The following SLX4 variants were observed in gnomAD, a reference collection of about 807,000 sequenced individuals.
The protein encoded by SLX4 is structure-specific endonuclease subunit SLX4.
In SLX4, 112 loss-of-function variants were observed where a neutral mutation model predicts 146.2. That is an observed-to-expected ratio of 0.77 (90% CI 0.66 to 0.90). SLX4 has a LOEUF of 0.90. SLX4 is among the 40% of genes least tolerant of loss of function. The pLI is 0.00. For missense variants in SLX4, 2,563 were observed against 2,392.7 expected (o/e 1.07, Z -1.49); for synonymous variants, 1,061 against 997.7 (o/e 1.06, Z -1.20).
At position 3,589,223 on chromosome 16, in the gene SLX4, A is replaced by G. The variant is rs938457122; in HGVS notation, c.4415T>C (p.Leu1472Pro). 16 of 1,610,628 alleles carry G rather than the reference A, an allele frequency of 9.9e-6. No individual in the cohort carries two copies. In the East Asian group the frequency reaches 2.7e-4, roughly 27 times the overall value. ...ADSRDCRSPG[L>P]LDTTPIRGSC... ...TCCTCGGATGGGGGTGGTGTCCAGG[A>G]GTCCCGGGGAGCGACAGTCACGGCT... The change falls in exon 12 of 15, where the codon CTC becomes CCC. Residue 1472 changes from leucine to proline, a missense_variant. Leu to Pro is a moderately conservative substitution (Grantham distance 98, BLOSUM62 -3). Transcript: ENST00000294008. The surrounding 1 kb of genome is among the most constrained non-coding windows in gnomAD (Gnocchi z 6.2).
Position 3,582,135 on chromosome 16 carries a change from C to T in SLX4, c.*207G>A. On this transcript the variant is annotated 3_prime_UTR_variant, in exon 15 of 15. Transcript: ENST00000294008. Reference sequence around the variant, plus strand: ...GTCTGTAAATCCAGTGGGTGACATGCTCCAAATGCCACCCTAGAAAGCAGA... The same window carrying T: ...GTCTGTAAATCCAGTGGGTGACATGTTCCAAATGCCACCCTAGAAAGCAGA... 2 of 599,390 alleles carry T rather than the reference C, an allele frequency of 3.3e-6. No individual in the cohort carries two copies. The highest frequency in any genetic ancestry group is 2.8e-5 in the East Asian group (1 of 36,226). 37.1% of individuals were successfully genotyped at this position (599,390 alleles called of 1,614,324 possible).
rs765965450 is a variant in SLX4, at chr16:3,594,507, C to T, written c.2106G>A (p.Val702=). The change falls in exon 10 of 15, where the codon GTG becomes GTA. Residue 702 remains valine (V), a synonymous_variant. Coordinates refer to ENST00000294008, the MANE Select transcript of SLX4 (RefSeq NM_032444.4). The part of the protein sequence containing the change: ...DVQFQTDSGE[V]LYAHKFVLYA... ...AAAGCACGAACTTGTGGGCGTAAAGCACCTCCCCGCTGTCCGTCTGAAACT... is the reference window on the plus strand; with the variant it reads ...AAAGCACGAACTTGTGGGCGTAAAGTACCTCCCCGCTGTCCGTCTGAAACT... 1.9e-6 allele frequency: 3 copies of T among 1,613,972 alleles called. No individual in the cohort carries two copies. The highest frequency in any genetic ancestry group is 1.3e-5 in the African/African-American group (1 of 74,918).
chr16:3,610,072 G>A (rs548325662), intron 1 of SLX4, among the ~76,000 whole-genome samples: 15 of 152,258 alleles, frequency 9.9e-5, no homozygotes, highest in East Asian at 3.9e-4. Context: ...CTGGAATGTC[G>A]CCTGTGTGCA....
intron 2 of SLX4, among the ~76,000 whole-genome samples, chr16:3,607,272 G>A (rs2040797137): frequency 6.6e-6 from 1 of 152,156 alleles, no homozygotes; most frequent in African/African-American, 2.4e-5. Context: ...CGAGAGACCA[G>A]TAAAGTTGGT....
chr16:3,582,341 A>G lies in SLX4; in HGVS notation c.*1T>C, dbSNP rs559903847. On this transcript the variant is annotated 3_prime_UTR_variant, in exon 15 of 15. Coordinates refer to ENST00000294008, the MANE Select transcript of SLX4 (RefSeq NM_032444.4). ...GTTGGGGTGGGGTCGGGATGGCCCCATCAGTTCCGCTCCACCTTCTTCTTG... is the reference window on the plus strand; with the variant it reads ...GTTGGGGTGGGGTCGGGATGGCCCCGTCAGTTCCGCTCCACCTTCTTCTTG... 3.4e-4 allele frequency: 542 copies of G among 1,610,398 alleles called. 2 individuals carry two copies. In the South Asian group the frequency reaches 4.6e-3, roughly 14 times the overall value.
At chr16:3,595,941 C>A (rs1179790011) in intron 8 of SLX4, among the ~76,000 whole-genome samples, 5 of 152,236 alleles carry the variant, frequency 3.3e-5, no homozygotes, top group African/African-American at 1.2e-4. Flanking sequence ...ACAGCTCTGT[C>A]TTTGGTTAAA....
chr16:3,583,416 C>T lies in SLX4; in HGVS notation c.4834G>A (p.Asp1612Asn). 6.2e-7 allele frequency: 1 copy of T among 1,613,876 alleles called. No individual in the cohort carries two copies. Among genetic ancestry groups the T allele is most frequent in the South Asian group, 1.1e-5 (1 of 91,084 alleles). The change falls in exon 14 of 15, where the codon GAC becomes AAC. Residue 1612 changes from aspartate to asparagine, a missense_variant. Coordinates refer to ENST00000294008, the MANE Select transcript of SLX4 (RefSeq NM_032444.4). Reference sequence around the variant, plus strand: ...AGCGGCTGTGAGGACTGGCTCTCGTCCTCGGAGTCTGAGTCCAGGGTCTGG... The same window carrying T: ...AGCGGCTGTGAGGACTGGCTCTCGTTCTCGGAGTCTGAGTCCAGGGTCTGG... Reference protein sequence around the residue: ...THQTLDSDSEDESQSSQPLLQ... With the variant: ...THQTLDSDSENESQSSQPLLQ...
rs377243383 is a variant in SLX4, at chr16:3,589,745, T to C, written c.3893A>G (p.Asn1298Ser). 6.2e-7 allele frequency: 1 copy of C among 1,613,848 alleles called. No homozygotes were observed. The highest frequency in any genetic ancestry group is 1.1e-5 in the South Asian group (1 of 91,074). Residue 1298 changes from asparagine (N) to serine (S), a missense_variant, in exon 12 of 15, where the codon AAC becomes AGC. Coordinates refer to ENST00000294008, the MANE Select transcript of SLX4 (RefSeq NM_032444.4). This position sits in a 1 kb window ranked among gnomAD's most constrained non-coding sequence, Gnocchi z 6.2. Reference protein sequence around the residue: ...TQHTPRASVGNREGNEVAQKF... With the variant: ...TQHTPRASVGSREGNEVAQKF... ...CTGTGCGACTTCGTTCCCTTCCCTGTTTCCTACTGAGGCCCTGGGCGTGTG... is the reference window on the plus strand; with the variant it reads ...CTGTGCGACTTCGTTCCCTTCCCTGCTTCCTACTGAGGCCCTGGGCGTGTG...
Position 3,609,029 on chromosome 16 carries a change from G to T in SLX4, c.-65C>A, listed in dbSNP as rs1344631844. The T allele has an allele frequency of 1.3e-6, 2 of 1,544,566 alleles. No homozygotes were observed. The highest frequency in any genetic ancestry group is 2.7e-5 in the African/African-American group (2 of 73,574). On this transcript the variant is annotated 5_prime_UTR_variant, in exon 2 of 15. Coordinates refer to ENST00000294008, the MANE Select transcript of SLX4 (RefSeq NM_032444.4). ...TTTGCACAATTGAACAAAAAGTACTGTTTTCCTCTCTATAATGATTGAAGT... is the reference window on the plus strand; with the variant it reads ...TTTGCACAATTGAACAAAAAGTACTTTTTTCCTCTCTATAATGATTGAAGT...
Position 3,597,512 on chromosome 16 carries a change from C to T in SLX4, c.1550G>A (p.Gly517Asp), listed in dbSNP as rs772562892. The T allele has an allele frequency of 1.2e-6, 2 of 1,614,096 alleles. No homozygotes were observed. The highest frequency in any genetic ancestry group is 1.7e-6 in the Non-Finnish European group (2 of 1,180,028). The change falls in exon 7 of 15, where the codon GGC becomes GAC. Residue 517 changes from glycine (G) to aspartate (D), a missense_variant. By Grantham distance (94) the Gly-to-Asp change is moderately conservative. Coordinates refer to ENST00000294008, the MANE Select transcript of SLX4 (RefSeq NM_032444.4). This position sits in a 1 kb window ranked among gnomAD's most constrained non-coding sequence, Gnocchi z 4.4. ...GCGTTCAGGTGGAGGAGGACACTGGCCCGCTCTTTCCCACCCTTCCTTTAA... is the reference window on the plus strand; with the variant it reads ...GCGTTCAGGTGGAGGAGGACACTGGTCCGCTCTTTCCCACCCTTCCTTTAA... ...RILKEGWERA[G>D]QCPPPPERKQ...
intron 2 of SLX4, among the ~76,000 whole-genome samples, chr16:3,607,717 A>G (rs2040802619): frequency 6.6e-6 from 1 of 152,184 alleles, no homozygotes; most frequent in African/African-American, 2.4e-5. Context: ...ATCAATAACA[A>G]TAACAAAGGA....
chr16:3,582,701 GA>G lies in SLX4; in HGVS notation c.5154-9del, dbSNP rs1168304772. ...AACTCACAGGAGGAAGAACTGAAAAGAGCCAGACCAGGACGTTGTGCAACCC... is the reference window on the plus strand; with the variant it reads ...AACTCACAGGAGGAAGAACTGAAAAGGCCAGACCAGGACGTTGTGCAACCC... On this transcript the variant is annotated splice_polypyrimidine_tract_variant and intron_variant, in intron 14 of 14. Coordinates refer to ENST00000294008, the MANE Select transcript of SLX4 (RefSeq NM_032444.4). 1.2e-6 allele frequency: 2 copies of G among 1,609,096 alleles called. No individual in the cohort carries two copies. The highest frequency in any genetic ancestry group is 1.7e-6 in the Non-Finnish European group (2 of 1,179,050).
intron 5 of SLX4, 64 bp from the exon 6 acceptor site, chr16:3,598,063 A>G (rs1204660492): frequency 2.5e-6 from 4 of 1,596,512 alleles, no homozygotes; most frequent in African/African-American, 2.7e-5. Flanking sequence ...CAGGTTGGTC[A>G]CACTGGTCTG....
chr16:3,582,684 G>A lies in SLX4; in HGVS notation c.5163C>T (p.Ser1721=). The A allele has an allele frequency of 6.2e-7, 1 of 1,611,990 alleles. No homozygotes were observed. The highest frequency in any genetic ancestry group is 1.1e-5 in the South Asian group (1 of 91,056). The change falls in exon 15 of 15, where the codon TCC becomes TCT. Residue 1721 remains serine (S), a synonymous_variant. Transcript: ENST00000294008. ...ACTCAAATGCCGCTCCAAACTCACA[G>A]GAGGAAGAACTGAAAAGAGCCAGAC... The part of the protein sequence containing the change: ...DSSLSSQSSS[S]CEFGAAFESA...
chr16:3,582,818 A>G (rs946362917), intron 14 of SLX4, 125 bp from the exon 15 acceptor site: 2 of 966,214 alleles, frequency 2.1e-6, no homozygotes, highest in African/African-American at 1.6e-5. Flanking sequence ...CACGATCCCC[A>G]GCAAGGCAGG....
chr16:3,596,530 C>T (rs901940464), intron 7 of SLX4, 137 bp from the exon 8 acceptor site: 1 of 1,092,886 alleles, frequency 9.2e-7, no homozygotes, highest in Non-Finnish European at 1.3e-6. Context: ...CAGACTGTCC[C>T]CGGGGCTCCA....
chr16:3,582,730 T>C (rs750091283), intron 14 of SLX4, 37 bp from the exon 15 acceptor site: 197 of 1,562,556 alleles, frequency 1.3e-4, no homozygotes, highest in Non-Finnish European at 1.4e-4. Context: ...TGCAACCCCT[T>C]TCTCTCCAGC....
chr16:3,605,192 C>A (rs1016589534), intron 3 of SLX4, among the ~76,000 whole-genome samples: 1 of 152,044 alleles, frequency 6.6e-6, no homozygotes, highest in African/African-American at 2.4e-5. Context: ...CAGGTTCACG[C>A]CATTCTCCTG....
At chr16:3,583,790 C>G (rs920138622) in intron 13 of SLX4, among the ~76,000 whole-genome samples, 4 of 152,118 alleles carry the variant, frequency 2.6e-5, no homozygotes, top group Admixed American at 6.5e-5. Flanking sequence ...ACAGTTTGAG[C>G]TCAGGAGTTC....
Sources: allele counts gnomAD v4.1 joint callset (sites outside exome capture counted in the v4.1 genomes callset), GRCh38; gene constraint gnomAD v4.1.1; non-coding constraint Gnocchi (gnomAD v3.1); transcripts MANE v1.5; gene names NCBI Gene and HGNC (gene_info 2026-07-23, HGNC 2026-07-21).